MTSS2: variants seen among roughly 807,000 people sequenced by gnomAD.
MTSS2 encodes the protein MTSS I-BAR domain containing 2.
In MTSS2, 27 loss-of-function variants were observed where a neutral mutation model predicts 67.1. The observed-to-expected ratio is 0.40, with a 90% CI of 0.30 to 0.55. The LOEUF is 0.55. MTSS2 is among the 20% of genes least tolerant of loss of function. The pLI, the probability that MTSS2 is intolerant of heterozygous loss-of-function variation, is 0.43. For missense variants in MTSS2, 1,171 were observed against 1,067.8 expected (o/e 1.10, Z -1.35); for synonymous variants, 624 against 468.6 (o/e 1.33, Z -4.28).
rs975021892 is a variant in MTSS2 at position 70,664,358 on chromosome 16, G to A, written c.1563C>T (p.Ser521=). ...GGCGGCGGTAGTTCTGGGCGATGTTGCTGTTGCGCGGGATGGTGGATGACT... is the reference window on the plus strand; with the variant it reads ...GGCGGCGGTAGTTCTGGGCGATGTTACTGTTGCGCGGGATGGTGGATGACT... ...FDKSSTIPRN[S]NIAQNYRRLI... The change falls in exon 15 of 15, where the codon AGC becomes AGT. Residue 521 remains serine (S), a synonymous_variant. Transcript: ENST00000338779. 3.1e-6 allele frequency: 5 copies of A among 1,594,860 alleles called. No homozygotes were observed. The highest frequency in any genetic ancestry group is 2.7e-5 in the African/African-American group (2 of 74,250).
chr16:70,665,637 A>AG (rs1029234948), intron 11 of MTSS2, 97 bp from the exon 12 acceptor site: 14 of 1,064,752 alleles, frequency 1.3e-5, no homozygotes, highest in Admixed American at 6.8e-5. Context: ...GCTGGCATGC[A>AG]GGGGGGCGGT....
In MTSS2 at chr16:70,663,993, G is replaced by A; in HGVS notation, c.1928C>T (p.Thr643Ile). Residue 643 changes from threonine (T) to isoleucine (I), a missense_variant, in exon 15 of 15, where the codon ACA becomes ATA. Around this residue, in one of 2 missense-constraint regions of MTSS2, gnomAD observed 924 missense variants for 756.0 expected, o/e 1.22. Coordinates refer to ENST00000338779, the MANE Select transcript of MTSS2 (RefSeq NM_138383.3). ...ASPKRLSLPN[T>I]AWGSPSPEAA... ...CTCTGGGGATGGGCTGCCCCAGGCT[G>A]TGTTGGGCAGGCTGAGCCTCTTTGG... 1 of 1,593,330 alleles carries A rather than the reference G, an allele frequency of 6.3e-7. No homozygotes were observed. The highest frequency in any genetic ancestry group is 2.3e-5 in the East Asian group (1 of 44,118).
chr16:70,685,495 CGGGGCCA>C lies in MTSS2; in HGVS notation c.69+221_69+227del, dbSNP rs547626644. ...TGCACAGGCTCGGGTCAGGACCCCA[CGGGGCCA>C]CCGCGGGCACCGCACGGACACCCCG... On this transcript the variant is annotated intron_variant, in intron 1 of 14. Transcript: ENST00000338779. Among the ~76,000 whole-genome samples the C allele has an allele frequency of 3.0e-3, 453 of 152,182 alleles. 1 individual carries two copies. The highest frequency in any genetic ancestry group is 4.7e-3 in the Non-Finnish European group (317 of 67,974).
In MTSS2 at chr16:70,685,866, C is replaced by G. The variant is rs1243538772; in HGVS notation, c.-75G>C. 1.1e-6 allele frequency: 1 copy of G among 875,138 alleles called. No individual in the cohort carries two copies. The highest frequency in any genetic ancestry group is 9.0e-5 in the East Asian group (1 of 11,128). The allele number at this position is 875,138 out of a possible 1,614,324, so 54.2% of individuals were successfully genotyped here. On this transcript the variant is annotated 5_prime_UTR_variant, in exon 1 of 15. Transcript: ENST00000338779. ...GAGCAGCGCAAGGGAGGGGGCCAGG[C>G]CGCGCGGGCGCTCGCTCCGAGGCCG...
At chr16:70,680,394 G>A (rs1181432148) in intron 3 of MTSS2, among the ~76,000 whole-genome samples, 1 of 152,194 alleles carries the variant, frequency 6.6e-6, no homozygotes, top group African/African-American at 2.4e-5. Flanking sequence ...GGGCCCGAAG[G>A]AGCGGGAGCC....
At chr16:70,670,969 C>CAAAAAAAAAAAAA in intron 11 of MTSS2, among the ~76,000 whole-genome samples, 1 of 32,950 alleles carries the variant, frequency 3.0e-5, no homozygotes, top group Non-Finnish European at 6.4e-5. Flanking sequence ...GACCCTGTCT[C>CAAAAAAAAAAAAA]AAAAAAAAAA....
At chr16:70,666,038 G>T (rs2052703066) in intron 11 of MTSS2, among the ~76,000 whole-genome samples, 1 of 152,222 alleles carries the variant, frequency 6.6e-6, no homozygotes, top group Admixed American at 6.5e-5. Flanking sequence ...GAGAAGTTGG[G>T]GTTGGAGCCA....
At chr16:70,679,596 G>A (rs1372906621) in intron 6 of MTSS2, 34 bp downstream of exon 6, 1 of 1,569,716 alleles carries the variant, frequency 6.4e-7, no homozygotes, top group South Asian at 1.2e-5. Flanking sequence ...GCGGGGCCGT[G>A]GGGCTGTGGC....
In MTSS2 at chr16:70,662,121, G is replaced by A. The variant is rs2052501395; in HGVS notation, c.*1556C>T. Reference sequence around the variant, plus strand: ...GCTTGGTGCCCGGACCTACCCAGGAGCTGCCCAGCTCACCGCACAAGAACT... The same window carrying A: ...GCTTGGTGCCCGGACCTACCCAGGAACTGCCCAGCTCACCGCACAAGAACT... On this transcript the variant is annotated 3_prime_UTR_variant, in exon 15 of 15. Coordinates refer to ENST00000338779, the MANE Select transcript of MTSS2 (RefSeq NM_138383.3). 6.6e-6 allele frequency: 1 copy of A among 152,156 alleles called. No individual in the cohort carries two copies. The highest frequency in any genetic ancestry group is 2.1e-4 in the South Asian group (1 of 4,754). The allele number at this position is 152,156 out of a possible 1,614,324, so 9.4% of individuals were successfully genotyped here. A position where few individuals can be genotyped will look rare whatever the true frequency, so the allele number is the denominator to read the frequency against.
chr16:70,672,166 G>T (rs12930694), intron 11 of MTSS2, among the ~76,000 whole-genome samples: 2 of 151,980 alleles, frequency 1.3e-5, no homozygotes, highest in African/African-American at 2.4e-5. Context: ...TGACCAACAC[G>T]GTGAAACCCC....
At chr16:70,684,701 C>G (rs1229183575) in intron 1 of MTSS2, among the ~76,000 whole-genome samples, 1 of 152,118 alleles carries the variant, frequency 6.6e-6, no homozygotes, top group East Asian at 1.9e-4. Flanking sequence ...GCCCCCAAAT[C>G]CTGCCCCTTC....
intron 12 of MTSS2, 109 bp downstream of exon 12, chr16:70,665,357 C>T: frequency 8.3e-7 from 1 of 1,207,002 alleles, no homozygotes; most frequent in Non-Finnish European, 1.1e-6. Flanking sequence ...TGTGTGCACG[C>T]ACCCCTGGCT....
At chr16:70,679,574 TGG>T in intron 6 of MTSS2, 54 bp downstream of exon 6, 1 of 1,518,686 alleles carries the variant, frequency 6.6e-7, no homozygotes, top group Non-Finnish European at 8.9e-7. Flanking sequence ...CACGGGGCGG[TGG>T]GGCTGTGGAG....
chr16:70,674,296 G>A lies in MTSS2; in HGVS notation c.1053+10C>T, dbSNP rs572104573. 34 of 1,610,962 alleles carry A rather than the reference G, an allele frequency of 2.1e-5. No homozygotes were observed. The Admixed American group carries it at 2.5e-4, about 12-fold the overall frequency. On this transcript the variant is annotated intron_variant, in intron 11 of 14. Coordinates refer to ENST00000338779, the MANE Select transcript of MTSS2 (RefSeq NM_138383.3). ...CCCCACCCTGACTGATCCTCCTAACGCCCCCTCACCTGGCTGGTGATGTCT... is the reference window on the plus strand; with the variant it reads ...CCCCACCCTGACTGATCCTCCTAACACCCCCTCACCTGGCTGGTGATGTCT...
At chr16:70,667,325 G>A (rs2052753846) in intron 11 of MTSS2, among the ~76,000 whole-genome samples, 2 of 55,142 alleles carry the variant, frequency 3.6e-5, no homozygotes, top group Admixed American at 2.2e-4. Context: ...TAACATAATA[G>A]TATATGTAGA....
chr16:70,668,686 G>A (rs1252913118), intron 11 of MTSS2, among the ~76,000 whole-genome samples: 1 of 152,214 alleles, frequency 6.6e-6, no homozygotes, highest in Non-Finnish European at 1.5e-5. Context: ...TTAGGGTGGA[G>A]CCCTCATTAA....
rs1482356831 is a variant in MTSS2, at chr16:70,674,574, G to C, written c.831-46C>G. ...GGCACAGCAGCCAGACAGGGAGACAGAGGGGTGTGTGTTTGGGGGAGGTTG... is the reference window on the plus strand; with the variant it reads ...GGCACAGCAGCCAGACAGGGAGACACAGGGGTGTGTGTTTGGGGGAGGTTG... On this transcript the variant is annotated intron_variant, in intron 10 of 14. Transcript: ENST00000338779. The C allele has an allele frequency of 1.9e-6, 3 of 1,558,660 alleles. No individual in the cohort carries two copies. The African/African-American group carries it at 4.1e-5, about 21-fold the overall frequency.
intron 11 of MTSS2, among the ~76,000 whole-genome samples, chr16:70,669,151 T>A (rs1218251056): frequency 6.6e-6 from 1 of 152,038 alleles, no homozygotes; most frequent in Non-Finnish European, 1.5e-5. Flanking sequence ...ACTAACAATT[T>A]AAAAATGGAT....
At chr16:70,674,862 C>T (rs940632155) in intron 10 of MTSS2, among the ~76,000 whole-genome samples, 1 of 152,146 alleles carries the variant, frequency 6.6e-6, no homozygotes, top group Non-Finnish European at 1.5e-5. Context: ...TCTGTAATCC[C>T]AGAACTTTGG....
Sources: allele counts gnomAD v4.1 joint callset (sites outside exome capture counted in the v4.1 genomes callset), GRCh38; gene constraint gnomAD v4.1.1; regional missense constraint gnomAD v4.1.1; transcripts MANE v1.5; gene names NCBI Gene and HGNC (gene_info 2026-07-23, HGNC 2026-07-21).